Variants in KIAA1217 observed in about 807,000 individuals in gnomAD.
The protein encoded by KIAA1217 is KIAA1217, also known as sickle tail protein homolog.
A neutral mutation model predicts 163.9 loss-of-function variants in KIAA1217; 88 were observed. The ratio of observed to expected loss-of-function variants is 0.54; its 90% CI spans 0.45 to 0.64. The LOEUF (loss-of-function observed/expected upper bound fraction) is 0.64. Among genes scored for constraint, KIAA1217 ranks in the 30% least tolerant of loss-of-function variants. KIAA1217 has a pLI of 0.00. For missense variants in KIAA1217, 2,372 were observed against 2,475.0 expected (o/e 0.96, Z 0.88); for synonymous variants, 903 against 923.1 (o/e 0.98, Z 0.39).
chr10:24,091,945 G>T (rs2061953292), intron 2 of KIAA1217, among the ~76,000 whole-genome samples: 1 of 151,742 alleles, frequency 6.6e-6, no homozygotes, highest in African/African-American at 2.4e-5. Flanking sequence ...GTGAAGGTCA[G>T]ACTAGGGCTT....
intron 3 of KIAA1217, among the ~76,000 whole-genome samples, chr10:24,419,614 A>T (rs2058568827): frequency 6.6e-6 from 1 of 152,180 alleles, no homozygotes; most frequent in African/African-American, 2.4e-5. Context: ...GGCACATAGC[A>T]AATGCTATAT....
At chr10:23,967,891 T>C (rs1845132993) in intron 1 of KIAA1217, among the ~76,000 whole-genome samples, 1 of 140,638 alleles carries the variant, frequency 7.1e-6, no homozygotes, top group South Asian at 2.3e-4. Flanking sequence ...CACAGAATAA[T>C]ATATTAAATG....
intron 2 of KIAA1217, among the ~76,000 whole-genome samples, chr10:24,162,398 G>A (rs934533263): frequency 2.6e-5 from 4 of 152,202 alleles, no homozygotes; most frequent in East Asian, 1.9e-4. Context: ...GCCATGAATC[G>A]TCCTTGAGGA....
rs1237275480 is a variant in KIAA1217 at position 24,209,260 on chromosome 10, C to G, written c.67C>G (p.Gln23Glu). The G allele has an allele frequency of 1.2e-6, 2 of 1,611,920 alleles. No homozygotes were observed. The highest frequency in any genetic ancestry group is 2.2e-5 in the East Asian group (1 of 44,840). The change falls in exon 1 of 21, where the codon CAG becomes GAG. Residue 23 changes from glutamine to glutamate, a missense_variant. Gln to Glu is a conservative substitution (Grantham distance 29). This residue lies in a region of KIAA1217 where 1,431 missense variants were observed against 1,470.3 expected (regional missense o/e 0.97). Transcript: ENST00000376454. ...TTACTCAGCAGACAGAAGACAGATG[C>G]AGGGTAAGTAACAGACCCATTCAAA... ...LPYSADRRQM[Q>E]EQGKGNLHVT...
At chr10:23,933,932 T>C (rs2131317358) in intron 1 of KIAA1217, among the ~76,000 whole-genome samples, 1 of 152,346 alleles carries the variant, frequency 6.6e-6, no homozygotes, top group South Asian at 2.1e-4. Flanking sequence ...ACTTTTACAC[T>C]GTTGGTAGGA....
intron 1 of KIAA1217, among the ~76,000 whole-genome samples, chr10:23,820,530 A>G (rs1189799153): frequency 6.6e-6 from 1 of 152,264 alleles, no homozygotes; most frequent in Non-Finnish European, 1.5e-5. Context: ...TAATGGAACA[A>G]TTAAACCAGA....
intron 1 of KIAA1217, among the ~76,000 whole-genome samples, chr10:23,876,594 C>G (rs1010149107): frequency 6.6e-6 from 1 of 151,902 alleles, no homozygotes; most frequent in Non-Finnish European, 1.5e-5. Flanking sequence ...GTCAATTTTA[C>G]TGGGATGGCA....
At chr10:23,832,189 G>A (rs938251100) in intron 1 of KIAA1217, among the ~76,000 whole-genome samples, 4 of 152,164 alleles carry the variant, frequency 2.6e-5, no homozygotes, top group African/African-American at 9.7e-5. Flanking sequence ...AACAAAGCAG[G>A]TTCCTGTGAC....
intron 1 of KIAA1217, among the ~76,000 whole-genome samples, chr10:23,772,869 T>C (rs1834856405): frequency 6.6e-6 from 1 of 152,190 alleles, no homozygotes; most frequent in Admixed American, 6.5e-5. Flanking sequence ...CTTCTCGGCC[T>C]TTTGGCTGAG....
At chr10:24,466,741 A>C (rs1247746817) in intron 5 of KIAA1217, 2 of 985,488 alleles carry the variant, frequency 2.0e-6, no homozygotes, top group Non-Finnish European at 2.4e-6. Flanking sequence ...GACCTGAGCG[A>C]ATGTGCTTAC....
chr10:23,799,404 CTG>C (rs1407652309), intron 1 of KIAA1217, among the ~76,000 whole-genome samples: 2 of 152,306 alleles, frequency 1.3e-5, no homozygotes, highest in East Asian at 1.9e-4. Flanking sequence ...ACTTCACAAA[CTG>C]TGAAGTACAA....
intron 1 of KIAA1217, among the ~76,000 whole-genome samples, chr10:23,852,711 T>C (rs1293089285): frequency 6.6e-6 from 1 of 152,186 alleles, no homozygotes; most frequent in Non-Finnish European, 1.5e-5. Context: ...TTTGTAGTTC[T>C]CCTTGAAGAG....
At chr10:24,342,625 C>T (rs1257892478) in intron 2 of KIAA1217, among the ~76,000 whole-genome samples, 1 of 150,120 alleles carries the variant, frequency 6.7e-6, no homozygotes, top group African/African-American at 2.5e-5. Context: ...CAAGGTACTT[C>T]ACATTAGCTC....
chr10:24,056,274 G>A (rs2060529281), intron 2 of KIAA1217, among the ~76,000 whole-genome samples: 1 of 152,074 alleles, frequency 6.6e-6, no homozygotes, highest in Non-Finnish European at 1.5e-5. Flanking sequence ...GTCACGGTGA[G>A]CCAAGATCGC....
In KIAA1217 at chr10:24,524,546, A is replaced by C. The variant is rs374825413; in HGVS notation, c.2680A>C (p.Ile894Leu). 3 of 1,614,008 alleles carry C rather than the reference A, an allele frequency of 1.9e-6. No homozygotes were observed. Among genetic ancestry groups the C allele is most frequent in the Non-Finnish European group, 2.5e-6 (3 of 1,179,960 alleles). The change falls in exon 13 of 21, where the codon ATC becomes CTC. Residue 894 changes from isoleucine (I) to leucine (L), a missense_variant. Transcript: ENST00000376454. ...CCACGCGCAGAGCTCCCCTGTGGTC[A>C]TCCAGCCCTCCCAGCACTCCGTGGC... ...VRHAQSSPVVIQPSQHSVALL... is the reference protein window; with the variant it reads ...VRHAQSSPVVLQPSQHSVALL...
intron 2 of KIAA1217, among the ~76,000 whole-genome samples, chr10:24,023,050 A>G (rs1292345625): frequency 1.3e-5 from 2 of 151,740 alleles, no homozygotes; most frequent in Non-Finnish European, 3.0e-5. Flanking sequence ...TCCTTTCAGC[A>G]TTCTACTAGT....
At chr10:23,732,572 A>G (rs928976747) in intron 1 of KIAA1217, among the ~76,000 whole-genome samples, 3 of 152,040 alleles carry the variant, frequency 2.0e-5, no homozygotes, top group Admixed American at 2.0e-4. Flanking sequence ...TACCAATTTT[A>G]TTGATCTTTA....
At chr10:23,995,941 T>A (rs753375677) in intron 1 of KIAA1217, among the ~76,000 whole-genome samples, 1 of 152,192 alleles carries the variant, frequency 6.6e-6, no homozygotes, top group Non-Finnish European at 1.5e-5. Context: ...TGTTTCTTAT[T>A]TCTCTTGAGT....
intron 2 of KIAA1217, among the ~76,000 whole-genome samples, chr10:24,261,422 G>A (rs1353025218): frequency 2.0e-5 from 3 of 151,764 alleles, no homozygotes; most frequent in Non-Finnish European, 1.5e-5. Context: ...CTTGAACCTG[G>A]GAGGCAGAGG....
Sources: gnomAD v4.1 joint callset for allele counts (sites outside exome capture counted in the v4.1 genomes callset) on GRCh38, gnomAD v4.1.1 for gene constraint, gnomAD v4.1.1 regional missense constraint, MANE v1.5 for transcripts, NCBI Gene and HGNC (gene_info 2026-07-23, HGNC 2026-07-21) for gene names.